Variants in GALNTL6 observed in about 807,000 individuals in gnomAD.
The protein encoded by GALNTL6 is polypeptide N-acetylgalactosaminyltransferase-like 6.
GALNTL6 carries 46 observed loss-of-function variants against 73.7 expected under a neutral mutation model. That is an observed-to-expected ratio of 0.62 (90% confidence interval 0.49 to 0.80). The LOEUF is 0.80. Ranked by LOEUF, GALNTL6 falls within the 30% of genes least tolerant of loss-of-function variation. GALNTL6 has a pLI of 0.00. For missense variants in GALNTL6, 604 were observed against 755.0 expected, an observed-to-expected ratio of 0.80 and a Z score of 2.34; for synonymous variants, 259 against 263.7, an observed-to-expected ratio of 0.98 and a Z score of 0.17.
intron 7 of GALNTL6, among the ~76,000 whole-genome samples, chr4:172,844,088 T>A (rs1478268037): frequency 6.6e-6 from 1 of 151,992 alleles, no homozygotes; most frequent in Non-Finnish European, 1.5e-5. Flanking sequence ...ATAAAAATAA[T>A]GGTTGACAGC....
At chr4:171,891,491 GA>G (rs1160845530) in intron 2 of GALNTL6, among the ~76,000 whole-genome samples, 1 of 151,982 alleles carries the variant, frequency 6.6e-6, no homozygotes, top group Non-Finnish European at 1.5e-5. Context: ...CAGGTAGATT[GA>G]AAAAAAGAGA....
chr4:172,628,093 A>T (rs772175601), intron 5 of GALNTL6, among the ~76,000 whole-genome samples: 6 of 152,098 alleles, frequency 3.9e-5, no homozygotes, highest in Non-Finnish European at 7.4e-5. Context: ...ATAGGAATAT[A>T]AAAAAACTGT....
chr4:172,282,386 A>G (rs1739091946), intron 3 of GALNTL6, among the ~76,000 whole-genome samples: 1 of 152,178 alleles, frequency 6.6e-6, no homozygotes, highest in Admixed American at 6.5e-5. Context: ...TGCTACCCAG[A>G]TTATCATAGC....
chr4:172,803,524 A>G (rs1740780310), intron 5 of GALNTL6, among the ~76,000 whole-genome samples: 1 of 152,204 alleles, frequency 6.6e-6, no homozygotes, highest in South Asian at 2.1e-4. Context: ...ACTTATCTAA[A>G]GAAATGATTA....
intron 2 of GALNTL6, among the ~76,000 whole-genome samples, chr4:172,170,836 G>A (rs1380245381): frequency 6.6e-6 from 1 of 152,080 alleles, no homozygotes; most frequent in East Asian, 1.9e-4. Flanking sequence ...ATAGCAGTAT[G>A]AAAATGGACT....
intron 5 of GALNTL6, among the ~76,000 whole-genome samples, chr4:172,376,986 C>T (rs140639666): frequency 7.0e-4 from 106 of 152,132 alleles, no homozygotes; most frequent in African/African-American, 2.1e-3. Context: ...ATAAAGGCAG[C>T]GCAGACCAAA....
intron 2 of GALNTL6, among the ~76,000 whole-genome samples, chr4:172,200,294 T>G (rs1302115643): frequency 6.6e-6 from 1 of 152,212 alleles, no homozygotes; most frequent in African/African-American, 2.4e-5. Flanking sequence ...TCCAGTTTAA[T>G]TATGTTTAAT....
At chr4:173,023,885 GT>G (rs926817622) in intron 12 of GALNTL6, among the ~76,000 whole-genome samples, 50 of 151,890 alleles carry the variant, frequency 3.3e-4, no homozygotes, top group Non-Finnish European at 6.0e-4. Context: ...ATAAAGTAAG[GT>G]TTTTTTTAAT....
chr4:172,027,108 G>T lies in GALNTL6; in HGVS notation c.139-202548G>T, dbSNP rs1310807661. On this transcript the variant is annotated intron_variant, in intron 2 of 12. Transcript: ENST00000506823. ...GAGTTTCACCATGTTGCCCAGGCTG[G>T]TCTCAAACTCTGAGCTTCAAGCAAT... Among the ~76,000 whole-genome samples, 2 of 152,034 alleles carry T rather than the reference G, an allele frequency of 1.3e-5. 1 individual carries two copies. The highest frequency in any genetic ancestry group is 4.1e-4 in the South Asian group (2 of 4,828).
intron 5 of GALNTL6, among the ~76,000 whole-genome samples, chr4:172,620,175 C>T (rs1011916540): frequency 6.6e-6 from 1 of 152,092 alleles, no homozygotes; most frequent in African/African-American, 2.4e-5. Context: ...AATGTATGCA[C>T]AACACAGAGG....
intron 4 of GALNTL6, among the ~76,000 whole-genome samples, chr4:172,322,919 A>T (rs907953553): frequency 6.6e-6 from 1 of 152,176 alleles, no homozygotes; most frequent in African/African-American, 2.4e-5. Flanking sequence ...ACCAACACGT[A>T]TATAAGGGGC....
chr4:172,596,827 TG>T lies in GALNTL6; in HGVS notation c.554-212533del, dbSNP rs544810119. ...CACTATCAGTTTTGGGAAAAGCAAATGAATATATATAGGATATCATTATTCA... is the reference window on the plus strand; with the variant it reads ...CACTATCAGTTTTGGGAAAAGCAAATAATATATATAGGATATCATTATTCA... On this transcript the variant is annotated intron_variant, in intron 5 of 12. Transcript: ENST00000506823. 1.8e-4 allele frequency among the ~76,000 whole-genome samples: 27 copies of T among 152,330 alleles called. No individual in the cohort carries two copies. The South Asian group carries it at 5.2e-3, about 29-fold the overall frequency.
rs200445376 is a variant in GALNTL6, at chr4:171,823,239, G to T, written c.138+8521G>T. Among the ~76,000 whole-genome samples, 14 of 152,012 alleles carry T rather than the reference G, an allele frequency of 9.2e-5. No homozygotes were observed. The East Asian group carries it at 1.5e-3, about 17-fold the overall frequency. ...CTAAAATATCTTATATTTTTAAGAC[G>T]GATAATGGATACTGGTGAGGTCAGC... is the stretch of plus-strand genomic sequence containing the variant. On this transcript the variant is annotated intron_variant, in intron 2 of 12. Coordinates refer to ENST00000506823, the MANE Select transcript of GALNTL6 (RefSeq NM_001034845.3).
chr4:172,770,298 A>AATAG (rs1362680818), intron 5 of GALNTL6, among the ~76,000 whole-genome samples: 6 of 151,316 alleles, frequency 4.0e-5, no homozygotes, highest in African/African-American at 1.5e-4. Context: ...TAAATAAATA[A>AATAG]ATAAGCTTTT....
intron 2 of GALNTL6, among the ~76,000 whole-genome samples, chr4:171,914,806 A>T (rs1737572167): frequency 6.6e-6 from 1 of 151,030 alleles, no homozygotes. Flanking sequence ...ATGAATAGTG[A>T]TTTTAGAGAC....
intron 5 of GALNTL6, among the ~76,000 whole-genome samples, chr4:172,633,214 C>T (rs971691665): frequency 9.9e-5 from 15 of 152,124 alleles, no homozygotes; most frequent in Non-Finnish European, 1.6e-4. Context: ...ATAGATCCAC[C>T]GATAGCTTGG....
intron 2 of GALNTL6, among the ~76,000 whole-genome samples, chr4:172,088,967 G>A (rs955950628): frequency 6.6e-6 from 1 of 152,180 alleles, no homozygotes; most frequent in Non-Finnish European, 1.5e-5. Context: ...TATGGATAGA[G>A]AAATCAGGGT....
At chr4:172,220,165 G>GT (rs1470162699) in intron 2 of GALNTL6, among the ~76,000 whole-genome samples, 5 of 151,188 alleles carry the variant, frequency 3.3e-5, no homozygotes, top group Non-Finnish European at 5.9e-5. Flanking sequence ...CCTTGTTTGT[G>GT]TTTTTTTTAA....
chr4:172,202,472 C>A (rs76570819), intron 2 of GALNTL6, among the ~76,000 whole-genome samples: 1 of 151,914 alleles, frequency 6.6e-6, no homozygotes, highest in Non-Finnish European at 1.5e-5. Context: ...ATTTCATATA[C>A]GATCAAATAT....
Sources: allele counts gnomAD v4.1 joint callset (sites outside exome capture counted in the v4.1 genomes callset), GRCh38; gene constraint gnomAD v4.1.1; transcripts MANE v1.5; gene names NCBI Gene and HGNC (gene_info 2026-07-23, HGNC 2026-07-21).